PTCHD4: variants seen among roughly 807,000 people sequenced by gnomAD.
PTCHD4 encodes patched domain containing 4.
Under a neutral mutation model 58.1 loss-of-function variants are expected in PTCHD4, and 33 were observed. The ratio of observed to expected loss-of-function variants is 0.57; its 90% confidence interval spans 0.43 to 0.76. PTCHD4 has a LOEUF of 0.76. Ranked by LOEUF, PTCHD4 falls within the 30% of genes least tolerant of loss-of-function variation. The probability of loss-of-function intolerance (pLI) is 0.00; values close to 1 mark genes in which losing one functional copy is unlikely to be tolerated. For synonymous variants in PTCHD4, 478 were observed against 409.6 expected, an observed-to-expected ratio of 1.17 and a Z score of -2.02; for missense variants, 1,058 against 1,027.1, an observed-to-expected ratio of 1.03 and a Z score of -0.41.
intron 3 of PTCHD4, among the ~76,000 whole-genome samples, chr6:48,065,787 G>A (rs1022465339): frequency 5.3e-5 from 8 of 152,326 alleles, no homozygotes; most frequent in South Asian, 4.1e-4. Context: ...ACTGATGCCA[G>A]GCAGAGAGAG....
intron 3 of PTCHD4, among the ~76,000 whole-genome samples, chr6:48,030,663 T>G (rs1449463721): frequency 6.6e-6 from 1 of 152,060 alleles, no homozygotes; most frequent in African/African-American, 2.4e-5. Flanking sequence ...AAACTGCAAG[T>G]CAGAAAATTT....
rs556659976 is a variant in PTCHD4 at position 47,987,734 on chromosome 6, G to A, written c.898+20900C>T. Reference sequence around the variant, plus strand: ...TCCAAAGCCATAGCTTTAGAACAATGTCACATGAAAACTAATCCCCATGTC... The same window carrying A: ...TCCAAAGCCATAGCTTTAGAACAATATCACATGAAAACTAATCCCCATGTC... On this transcript the variant is annotated intron_variant, in intron 4 of 4. Coordinates refer to ENST00000339488, the MANE Select transcript of PTCHD4 (RefSeq NM_001384253.1). 4.2e-4 allele frequency among the ~76,000 whole-genome samples: 64 copies of A among 151,856 alleles called. 1 individual carries two copies. Among genetic ancestry groups the A allele is most frequent in the African/African-American group, 1.4e-3 (60 of 41,396 alleles).
At chr6:48,063,933 A>C (rs1340578580) in intron 3 of PTCHD4, among the ~76,000 whole-genome samples, 6 of 152,188 alleles carry the variant, frequency 3.9e-5, no homozygotes, top group Admixed American at 3.9e-4. Flanking sequence ...CTAAATAATT[A>C]ACGGCAACAT....
At chr6:47,901,353 T>A in intron 4 of PTCHD4, 1 of 753,172 alleles carries the variant, frequency 1.3e-6, no homozygotes, top group Non-Finnish European at 1.6e-6. Context: ...AGGGTAATAT[T>A]TATCTCATAG....
chr6:48,079,346 TATG>T (rs2113891919), intron 1 of PTCHD4, among the ~76,000 whole-genome samples: 1 of 152,240 alleles, frequency 6.6e-6, no homozygotes, highest in South Asian at 2.1e-4. Context: ...TAAAGAATTT[TATG>T]AAGCCTTTTC....
At chr6:47,949,140 G>A (rs910695771) in intron 4 of PTCHD4, among the ~76,000 whole-genome samples, 2 of 152,206 alleles carry the variant, frequency 1.3e-5, no homozygotes, top group African/African-American at 2.4e-5. Context: ...TCAAAGTGAC[G>A]GGGATGGATT....
At chr6:48,009,184 T>C in intron 3 of PTCHD4, 70 bp from the exon 4 acceptor site, 1 of 1,463,652 alleles carries the variant, frequency 6.8e-7, no homozygotes, top group South Asian at 1.4e-5. Context: ...TTACTCTAAG[T>C]GAAGGAGCAC....
chr6:47,953,688 T>C (rs2113952353), intron 4 of PTCHD4, among the ~76,000 whole-genome samples: 1 of 152,220 alleles, frequency 6.6e-6, no homozygotes, highest in South Asian at 2.1e-4. Context: ...AAATATTCCA[T>C]TAAGAAAAAG....
At chr6:48,081,083 C>T (rs550066318) in intron 1 of PTCHD4, among the ~76,000 whole-genome samples, 11 of 152,236 alleles carry the variant, frequency 7.2e-5, no homozygotes, top group Middle Eastern at 6.8e-3. Flanking sequence ...TTATTCAATG[C>T]ACTCACCAAA....
chr6:47,891,999 A>G (rs1296383756), intron 4 of PTCHD4, among the ~76,000 whole-genome samples: 1 of 152,172 alleles, frequency 6.6e-6, no homozygotes, highest in African/African-American at 2.4e-5. Context: ...CCATGCCACC[A>G]CTAAAAGGGA....
chr6:48,025,452 C>T (rs1050108016), intron 3 of PTCHD4, among the ~76,000 whole-genome samples: 3 of 152,164 alleles, frequency 2.0e-5, no homozygotes, highest in Admixed American at 1.3e-4. Context: ...GTCATTCTCC[C>T]TTATTGCAAC....
chr6:47,976,066 G>A (rs1581961071), intron 4 of PTCHD4, among the ~76,000 whole-genome samples: 1 of 152,230 alleles, frequency 6.6e-6, no homozygotes, highest in African/African-American at 2.4e-5. Context: ...CTTTGGTAAA[G>A]CACTTCCTGA....
chr6:48,050,134 T>C (rs954443547), intron 3 of PTCHD4, among the ~76,000 whole-genome samples: 5 of 151,922 alleles, frequency 3.3e-5, no homozygotes, highest in Non-Finnish European at 5.9e-5. Flanking sequence ...TAAAGAGAAA[T>C]AGTTTTATAA....
intron 3 of PTCHD4, among the ~76,000 whole-genome samples, chr6:48,063,615 T>C: frequency 6.6e-6 from 1 of 152,174 alleles, no homozygotes; most frequent in East Asian, 1.9e-4. Context: ...GTTTTCTTTC[T>C]TATAAAAATG....
intron 1 of PTCHD4, among the ~76,000 whole-genome samples, chr6:48,099,286 G>C (rs907302347): frequency 6.6e-6 from 1 of 152,204 alleles, no homozygotes; most frequent in African/African-American, 2.4e-5. Context: ...GTGCTGGACA[G>C]GTGGTAACGG....
In PTCHD4 at chr6:47,857,101, T is replaced by A. The variant is rs558592604; in HGVS notation, c.*21202A>T. 7.9e-5 allele frequency among the ~76,000 whole-genome samples: 12 copies of A among 152,022 alleles called. No homozygotes were observed. The highest frequency in any genetic ancestry group is 1.5e-4 in the Non-Finnish European group (10 of 67,984). On this transcript the variant is annotated 3_prime_UTR_variant, in exon 5 of 5. Transcript: ENST00000339488. ...AGACACAAGAAATCATATTATATAG[T>A]ATTGTCCCACCTAACAAAAATTACT...
intron 1 of PTCHD4, among the ~76,000 whole-genome samples, chr6:48,095,542 G>T (rs1391335858): frequency 6.6e-6 from 1 of 151,854 alleles, no homozygotes; most frequent in South Asian, 2.1e-4. Context: ...AAAATTAACC[G>T]GGTGTGGCGT....
intron 4 of PTCHD4, among the ~76,000 whole-genome samples, chr6:47,893,106 G>C (rs1457701597): frequency 6.6e-6 from 1 of 152,186 alleles, no homozygotes; most frequent in Non-Finnish European, 1.5e-5. Flanking sequence ...TGCCTCCCGG[G>C]TTCAAGCGAT....
At chr6:47,945,065 T>C (rs1467749844) in intron 4 of PTCHD4, among the ~76,000 whole-genome samples, 1 of 152,126 alleles carries the variant, frequency 6.6e-6, no homozygotes, top group Non-Finnish European at 1.5e-5. Flanking sequence ...AATCCATTTA[T>C]GTCTGCAAAG....
Sources: allele counts gnomAD v4.1 joint callset (sites outside exome capture counted in the v4.1 genomes callset), GRCh38; gene constraint gnomAD v4.1.1; transcripts MANE v1.5; gene names NCBI Gene and HGNC (gene_info 2026-07-23, HGNC 2026-07-21).